PIK3C2A: variants seen among roughly 807,000 people sequenced by gnomAD.
PIK3C2A encodes phosphatidylinositol 4-phosphate 3-kinase C2 domain-containing subunit alpha.
PIK3C2A carries 97 observed loss-of-function variants against 204.5 expected under a neutral mutation model. The observed-to-expected ratio is 0.47, with a 90% CI of 0.40 to 0.56. The LOEUF is 0.56. Ranked by LOEUF, PIK3C2A falls within the 20% of genes least tolerant of loss-of-function variation. The probability of loss-of-function intolerance (pLI) is 0.00; values close to 1 mark genes in which losing one functional copy is unlikely to be tolerated. For synonymous variants in PIK3C2A, 653 were observed against 664.4 expected, an observed-to-expected ratio of 0.98 and a Z score of 0.26; for missense variants, 1,735 against 1,969.2, an observed-to-expected ratio of 0.88 and a Z score of 2.25.
rs770679693 is a variant in PIK3C2A at position 17,169,705 on chromosome 11, A to G, written c.37T>C (p.Cys13Arg). Residue 13 changes from cysteine (C) to arginine (R), a missense_variant, in exon 2 of 33, where the codon TGT (cysteine) becomes CGT (arginine). By Grantham distance (180) the Cys-to-Arg change is radical. Around this residue, in one of 6 missense-constraint regions of PIK3C2A, gnomAD observed 536 missense variants for 546.7 expected, o/e 0.98. Transcript: ENST00000691414. ...GTTGGTTCCGGATGTGAAGATGGACATTCTTTAAATCCGCTGTTGCTAGAT... is the reference window on the plus strand; with the variant it reads ...GTTGGTTCCGGATGTGAAGATGGACGTTCTTTAAATCCGCTGTTGCTAGAT... ...QISSNSGFKECPSSHPEPTRA... is the reference protein window; with the variant it reads ...QISSNSGFKERPSSHPEPTRA... The G allele has an allele frequency of 1.9e-6, 3 of 1,606,764 alleles. No homozygotes were observed. The East Asian group carries it at 6.7e-5, about 36-fold the overall frequency.
At chr11:17,184,091 C>G (rs1027809237) in intron 1 of PIK3C2A, among the ~76,000 whole-genome samples, 7 of 151,972 alleles carry the variant, frequency 4.6e-5, no homozygotes, top group Admixed American at 3.9e-4. Context: ...CACTGTACCT[C>G]TTGCCTGAGC....
intron 1 of PIK3C2A, among the ~76,000 whole-genome samples, chr11:17,188,844 T>C (rs1851844455): frequency 6.8e-6 from 1 of 146,946 alleles, no homozygotes; most frequent in African/African-American, 2.7e-5. Context: ...ATCCAAGCTT[T>C]TGGCTACCAA....
At chr11:17,205,399 G>A (rs966959877) in intron 1 of PIK3C2A, among the ~76,000 whole-genome samples, 1 of 147,890 alleles carries the variant, frequency 6.8e-6, no homozygotes, top group Non-Finnish European at 1.5e-5. Flanking sequence ...ACTTGAACCC[G>A]GCAGGTGGAG....
intron 1 of PIK3C2A, among the ~76,000 whole-genome samples, chr11:17,195,221 C>T (rs116551017): frequency 0.011 from 1,573 of 148,702 alleles, 22 homozygotes; most frequent in African/African-American, 0.037. Flanking sequence ...AAAACCATCC[C>T]GGCCAACTTG....
intron 2 of PIK3C2A, among the ~76,000 whole-genome samples, chr11:17,167,179 C>T (rs374221601): frequency 5.3e-5 from 8 of 152,220 alleles, no homozygotes; most frequent in Middle Eastern, 3.4e-3. Flanking sequence ...CATTATGTTG[C>T]CCAGGCTGGT....
At chr11:17,136,348 A>T (rs1849871065) in intron 9 of PIK3C2A, 134 bp downstream of exon 9, 1 of 680,620 alleles carries the variant, frequency 1.5e-6, no homozygotes, top group Non-Finnish European at 2.5e-6. Context: ...ATCCCCACCT[A>T]ACCAAGTAAG....
intron 22 of PIK3C2A, among the ~76,000 whole-genome samples, chr11:17,108,866 T>C (rs898950839): frequency 6.6e-6 from 1 of 152,206 alleles, no homozygotes; most frequent in Non-Finnish European, 1.5e-5. Context: ...ATTTCATAAA[T>C]GGCTGAAGAA....
chr11:17,196,357 T>C (rs970758846), intron 1 of PIK3C2A, among the ~76,000 whole-genome samples: 2 of 152,046 alleles, frequency 1.3e-5, no homozygotes, highest in Admixed American at 6.6e-5. Context: ...CTGTGGAAAA[T>C]AGGCATAACA....
rs1416198987 is a variant in PIK3C2A, at chr11:17,153,648, A to G, written c.1169+1878T>C. On this transcript the variant is annotated intron_variant, in intron 3 of 32. Transcript: ENST00000691414. ...TTAATTTCACAGATGAGAAACAACAACAAAAACCAATACCTAGAACTGGTA... is the reference window on the plus strand; with the variant it reads ...TTAATTTCACAGATGAGAAACAACAGCAAAAACCAATACCTAGAACTGGTA... Among the ~76,000 whole-genome samples the G allele has an allele frequency of 2.6e-5, 4 of 152,332 alleles. No homozygotes were observed. The East Asian group carries it at 7.7e-4, about 29-fold the overall frequency.
At chr11:17,107,554 C>A (rs1176533282) in intron 22 of PIK3C2A, among the ~76,000 whole-genome samples, 1 of 152,002 alleles carries the variant, frequency 6.6e-6, no homozygotes, top group Non-Finnish European at 1.5e-5. Context: ...AAAGACGGTA[C>A]CTAGAATTGA....
chr11:17,194,699 C>T (rs1038521597), intron 1 of PIK3C2A, among the ~76,000 whole-genome samples: 4 of 151,898 alleles, frequency 2.6e-5, no homozygotes, highest in Non-Finnish European at 5.9e-5. Flanking sequence ...CACCTGAGGT[C>T]AGAAGTTCAA....
At chr11:17,188,931 C>T (rs1851847043) in intron 1 of PIK3C2A, among the ~76,000 whole-genome samples, 1 of 146,874 alleles carries the variant, frequency 6.8e-6, no homozygotes, top group South Asian at 2.1e-4. Context: ...CAGCTGCCCT[C>T]CTGAGGCAAG....
At chr11:17,179,695 A>G (rs1269562657) in intron 1 of PIK3C2A, among the ~76,000 whole-genome samples, 2 of 152,094 alleles carry the variant, frequency 1.3e-5, no homozygotes, top group African/African-American at 4.8e-5. Flanking sequence ...AGCTCACTGT[A>G]ATCTCAAACT....
At chr11:17,104,907 T>C (rs1254677331) in intron 23 of PIK3C2A, among the ~76,000 whole-genome samples, 1 of 152,092 alleles carries the variant, frequency 6.6e-6, no homozygotes, top group Non-Finnish European at 1.5e-5. Flanking sequence ...ACATTCTGCA[T>C]TAGAAAAATG....
intron 1 of PIK3C2A, among the ~76,000 whole-genome samples, chr11:17,200,905 G>C (rs1852347708): frequency 6.6e-6 from 1 of 152,200 alleles, no homozygotes; most frequent in South Asian, 2.1e-4. Context: ...GATCTAGTCA[G>C]ATGAAACTAG....
chr11:17,140,151 G>A (rs958045121), intron 8 of PIK3C2A, among the ~76,000 whole-genome samples: 2 of 152,272 alleles, frequency 1.3e-5, no homozygotes, highest in Admixed American at 1.3e-4. Context: ...ACAGTGGTGT[G>A]TGGCTGTAAT....
chr11:17,131,371 T>A (rs924887513), intron 12 of PIK3C2A, among the ~76,000 whole-genome samples: 4 of 151,838 alleles, frequency 2.6e-5, no homozygotes, highest in Non-Finnish European at 4.4e-5. Flanking sequence ...CTAAAAAGAA[T>A]GGTATGTTTT....
chr11:17,125,450 A>C (rs1227736525), intron 13 of PIK3C2A, among the ~76,000 whole-genome samples: 1 of 152,224 alleles, frequency 6.6e-6, no homozygotes. Flanking sequence ...CTATTATTTC[A>C]GCATGGGTTG....
intron 13 of PIK3C2A, among the ~76,000 whole-genome samples, chr11:17,124,484 C>A (rs192314696): frequency 6.8e-6 from 1 of 146,456 alleles, no homozygotes; most frequent in African/African-American, 2.5e-5. Context: ...GAGACGGAGT[C>A]TTGTTCTGTC....
Sources: allele counts gnomAD v4.1 joint callset (sites outside exome capture counted in the v4.1 genomes callset), GRCh38; gene constraint gnomAD v4.1.1; regional missense constraint gnomAD v4.1.1; transcripts MANE v1.5; gene names NCBI Gene and HGNC (gene_info 2026-07-23, HGNC 2026-07-21).